RARB: variants seen among roughly 807,000 people sequenced by gnomAD.
RARB encodes HBV-activated protein.
In RARB, 17 loss-of-function variants were observed where a neutral mutation model predicts 51.9. The ratio of observed to expected loss-of-function variants is 0.33; its 90% CI spans 0.22 to 0.49. The LOEUF is 0.49. RARB is among the 20% of genes least tolerant of loss of function. The probability of loss-of-function intolerance (pLI) is 0.99; values close to 1 mark genes in which losing one functional copy is unlikely to be tolerated. For synonymous variants in RARB, 215 were observed against 195.4 expected, an observed-to-expected ratio of 1.10 and a Z score of -0.84; for missense variants, 369 against 550.8, an observed-to-expected ratio of 0.67 and a Z score of 3.30.
intron 5 of RARB, among the ~76,000 whole-genome samples, chr3:25,285,376 G>GGA (rs760938736): frequency 1.3e-5 from 2 of 152,140 alleles, no homozygotes; most frequent in African/African-American, 2.4e-5. Flanking sequence ...TAGGAAGAGA[G>GGA]GAGAGAGAGA....
intron 4 of RARB, among the ~76,000 whole-genome samples, chr3:25,146,911 T>A (rs1254637088): frequency 2.6e-5 from 4 of 152,168 alleles, no homozygotes; most frequent in African/African-American, 9.7e-5. Flanking sequence ...AGACCCTTCC[T>A]TTGATCGAGT....
At chr3:25,040,318 G>T (rs1698086155) in intron 2 of RARB, among the ~76,000 whole-genome samples, 1 of 152,124 alleles carries the variant, frequency 6.6e-6, no homozygotes, top group Non-Finnish European at 1.5e-5. Flanking sequence ...CATCTGATTT[G>T]GGTTAAGGGG....
At chr3:25,010,140 G>A (rs983985561) in intron 2 of RARB, among the ~76,000 whole-genome samples, 23 of 129,060 alleles carry the variant, frequency 1.8e-4, no homozygotes, top group Non-Finnish European at 9.3e-5. Flanking sequence ...TTTTTATACC[G>A]AGGCCAGGAC....
chr3:24,989,162 T>C (rs1309426916), intron 2 of RARB, among the ~76,000 whole-genome samples: 1 of 152,194 alleles, frequency 6.6e-6, no homozygotes, highest in Non-Finnish European at 1.5e-5. Context: ...CTGCAGTGCT[T>C]TTCCTTGTAC....
chr3:25,594,160 G>A (rs974462030), intron 6 of RARB, among the ~76,000 whole-genome samples: 3 of 152,230 alleles, frequency 2.0e-5, no homozygotes, highest in South Asian at 2.1e-4. Context: ...AGGCTGAATC[G>A]TAAGTGGTTA....
At chr3:25,057,382 T>C (rs1212838728) in intron 2 of RARB, among the ~76,000 whole-genome samples, 2 of 152,110 alleles carry the variant, frequency 1.3e-5, no homozygotes, top group Non-Finnish European at 2.9e-5. Flanking sequence ...GTTTCACTAT[T>C]CTGGCCGTTT....
At chr3:24,876,137 A>C (rs1703038705) in intron 2 of RARB, among the ~76,000 whole-genome samples, 1 of 152,144 alleles carries the variant, frequency 6.6e-6, no homozygotes, top group Non-Finnish European at 1.5e-5. Context: ...TATTACTGAT[A>C]ACTTTCATCA....
chr3:24,891,781 A>T (rs552044366), intron 2 of RARB, among the ~76,000 whole-genome samples: 2 of 152,070 alleles, frequency 1.3e-5, no homozygotes, highest in African/African-American at 4.8e-5. Flanking sequence ...CCTAGAGTAG[A>T]TAAGTTGAGA....
chr3:25,435,894 C>G (rs1708412518), intron 1 of RARB, among the ~76,000 whole-genome samples: 2 of 152,008 alleles, frequency 1.3e-5, no homozygotes, highest in Admixed American at 6.6e-5. Context: ...GTAGTCGTGC[C>G]ATGGAGCTAC....
chr3:24,937,561 G>A (rs1294985612), intron 2 of RARB, among the ~76,000 whole-genome samples: 1 of 152,170 alleles, frequency 6.6e-6, no homozygotes, highest in Non-Finnish European at 1.5e-5. Context: ...TGACTAAAGA[G>A]GAAGGCAGGG....
chr3:25,125,109 G>C (rs534544579), intron 3 of RARB, among the ~76,000 whole-genome samples: 2 of 152,168 alleles, frequency 1.3e-5, no homozygotes, highest in South Asian at 4.2e-4. Context: ...AAAGTGGGAG[G>C]CCTCAAAAAA....
intron 2 of RARB, among the ~76,000 whole-genome samples, chr3:24,964,643 T>C (rs1559414013): frequency 6.6e-6 from 1 of 152,174 alleles, no homozygotes. Context: ...GCCCTGTCCA[T>C]AAGTTGGTAC....
chr3:25,056,516 T>C (rs1279035278), intron 2 of RARB, among the ~76,000 whole-genome samples: 1 of 152,108 alleles, frequency 6.6e-6, no homozygotes, highest in South Asian at 2.1e-4. Context: ...AAAGCAAATA[T>C]AAAAGGAGAA....
chr3:25,111,641 C>A (rs1317948030), intron 3 of RARB, among the ~76,000 whole-genome samples: 2 of 140,944 alleles, frequency 1.4e-5, no homozygotes, highest in Non-Finnish European at 3.0e-5. Flanking sequence ...TGCACTGGCA[C>A]AATCTCAGCT....
At chr3:25,000,248 C>A (rs1224811088) in intron 2 of RARB, among the ~76,000 whole-genome samples, 2 of 152,070 alleles carry the variant, frequency 1.3e-5, no homozygotes, top group African/African-American at 4.8e-5. Context: ...TTCCAGAATG[C>A]AAATTTTAGG....
At chr3:25,496,236 C>G (rs915355160) in intron 2 of RARB, among the ~76,000 whole-genome samples, 4 of 152,302 alleles carry the variant, frequency 2.6e-5, no homozygotes, top group African/African-American at 9.6e-5. Flanking sequence ...TGTCCCAGCC[C>G]TGAGCTATTC....
chr3:25,050,619 T>G (rs111941591), intron 2 of RARB, among the ~76,000 whole-genome samples: 1,759 of 152,288 alleles, frequency 0.012, 42 homozygotes, highest in African/African-American at 0.04. Context: ...TTAGCAAGTT[T>G]CTTGTATTTC....
chr3:25,142,061 G>A (rs1370580904), intron 4 of RARB, among the ~76,000 whole-genome samples: 1 of 152,248 alleles, frequency 6.6e-6, no homozygotes, highest in Admixed American at 6.5e-5. Context: ...GCCGTGTGCG[G>A]TGGCTCACGC....
At chr3:25,015,313 T>C (rs1697484673) in intron 2 of RARB, among the ~76,000 whole-genome samples, 1 of 152,202 alleles carries the variant, frequency 6.6e-6, no homozygotes, top group African/African-American at 2.4e-5. Flanking sequence ...ATTGTTTATT[T>C]CATTCTAAAT....
Sources: allele counts gnomAD v4.1 joint callset (sites outside exome capture counted in the v4.1 genomes callset), GRCh38; gene constraint gnomAD v4.1.1; transcripts MANE v1.5; gene names NCBI Gene and HGNC (gene_info 2026-07-23, HGNC 2026-07-21).